The following GPHN variants were observed in gnomAD, a reference collection of about 807,000 sequenced individuals.
GPHN encodes the protein gephyrin.
GPHN carries 17 observed loss-of-function variants against 95.5 expected under a neutral mutation model. That is an observed-to-expected ratio of 0.18 (90% CI 0.12 to 0.27). GPHN has a LOEUF of 0.27. GPHN is among the 10% of genes least tolerant of loss of function. The pLI, the probability that GPHN is intolerant of heterozygous loss-of-function variation, is 1.00. For missense variants in GPHN, 660 were observed against 978.1 expected (o/e 0.67, Z 4.34); for synonymous variants, 320 against 322.5 (o/e 0.99, Z 0.08).
chr14:67,662,483 A>G, the GPHN span: 2 of 1,612,368 alleles, frequency 1.2e-6, no homozygotes, highest in East Asian at 2.2e-5. Context: ...TCACCGTTTC[A>G]TTTGCTTCCT....
chr14:67,090,628 G>A (rs751237355), intron 12 of GPHN, among the ~76,000 whole-genome samples: 11 of 151,912 alleles, frequency 7.2e-5, no homozygotes, highest in Non-Finnish European at 1.6e-4. Context: ...TATAAAGGAT[G>A]GTCAACCTGT....
chr14:67,426,955 T>A, the GPHN span, among the ~76,000 whole-genome samples: 1 of 152,090 alleles, frequency 6.6e-6, no homozygotes, highest in Non-Finnish European at 1.5e-5. Flanking sequence ...AGTCACCTAG[T>A]CCTCCCCAGG....
chr14:67,502,939 A>T, the GPHN span, among the ~76,000 whole-genome samples: 1 of 152,208 alleles, frequency 6.6e-6, no homozygotes, highest in South Asian at 2.1e-4. Context: ...TAGTGGAGAC[A>T]ATATGGTAAG....
At chr14:66,847,412 TAATA>T (rs922017757) in intron 4 of GPHN, among the ~76,000 whole-genome samples, 1 of 152,084 alleles carries the variant, frequency 6.6e-6, no homozygotes, top group Non-Finnish European at 1.5e-5. Context: ...ATTTTATTAA[TAATA>T]AATATACTTT....
the GPHN span, among the ~76,000 whole-genome samples, chr14:67,635,248 A>G: frequency 1.1e-3 from 163 of 152,320 alleles, 1 homozygote; most frequent in African/African-American, 3.7e-3. Context: ...TCTCAAAAAA[A>G]AGAGAAAAGG....
intron 3 of GPHN, among the ~76,000 whole-genome samples, chr14:66,779,411 ATATAT>A (rs1296658851): frequency 1.3e-5 from 2 of 152,204 alleles, no homozygotes; most frequent in Non-Finnish European, 2.9e-5. Flanking sequence ...ACTTCTTGAA[ATATAT>A]TTTATAATGA....
At chr14:66,897,458 T>A (rs1229039282) in intron 5 of GPHN, among the ~76,000 whole-genome samples, 1 of 152,074 alleles carries the variant, frequency 6.6e-6, no homozygotes, top group Non-Finnish European at 1.5e-5. Context: ...CTATTGTCAT[T>A]GCCCTTTTAT....
chr14:66,592,988 G>A (rs1030976784), intron 1 of GPHN, among the ~76,000 whole-genome samples: 8 of 152,200 alleles, frequency 5.3e-5, no homozygotes, highest in Non-Finnish European at 1.2e-4. Context: ...ATGAGTTCAT[G>A]TCCTTTGCAG....
At chr14:67,674,436 G>A in the GPHN span, 6 of 1,609,728 alleles carry the variant, frequency 3.7e-6, no homozygotes, top group Admixed American at 8.4e-5. Flanking sequence ...GGAGGCCGCG[G>A]AAGATCTCGT....
chr14:66,821,794 C>A (rs1357461683), intron 3 of GPHN, among the ~76,000 whole-genome samples: 1 of 152,030 alleles, frequency 6.6e-6, no homozygotes, highest in Admixed American at 6.6e-5. Flanking sequence ...CTACTTTGGC[C>A]AACAAAATAT....
the GPHN span, among the ~76,000 whole-genome samples, chr14:67,477,405 G>A: frequency 6.6e-6 from 1 of 152,144 alleles, no homozygotes; most frequent in African/African-American, 2.4e-5. Context: ...GTTACCTTCA[G>A]AACAAAATCT....
intron 21 of GPHN, among the ~76,000 whole-genome samples, chr14:67,176,063 T>C (rs1272007950): frequency 2.6e-5 from 4 of 152,186 alleles, no homozygotes; most frequent in Non-Finnish European, 5.9e-5. Flanking sequence ...TTGAATACCC[T>C]TTATTGCTTT....
At chr14:67,496,625 C>A in the GPHN span, among the ~76,000 whole-genome samples, 1 of 151,218 alleles carries the variant, frequency 6.6e-6, no homozygotes, top group Non-Finnish European at 1.5e-5. Flanking sequence ...TCTTCCTATT[C>A]TTTTCCCTTC....
intron 1 of GPHN, among the ~76,000 whole-genome samples, chr14:66,588,244 A>G (rs1361917002): frequency 3.3e-5 from 5 of 152,192 alleles, no homozygotes; most frequent in African/African-American, 9.6e-5. Context: ...GGTCACCAAC[A>G]TCAAAGAACA....
In GPHN at chr14:66,633,877, A is replaced by G. The variant is rs1184407790; in HGVS notation, c.65-47230A>G. Among the ~76,000 whole-genome samples, 4 of 151,952 alleles carry G rather than the reference A, an allele frequency of 2.6e-5. No homozygotes were observed. The East Asian group carries it at 7.7e-4, about 29-fold the overall frequency. On this transcript the variant is annotated intron_variant, in intron 1 of 22. Coordinates refer to ENST00000478722, the MANE Select transcript of GPHN (RefSeq NM_020806.5). ...ATGTATGACTTGAGACTGTCAAACT[A>G]CTAAAAGAAAACATTGCAGGATGCT...
At chr14:67,697,327 G>A in the GPHN span, among the ~76,000 whole-genome samples, 5 of 152,292 alleles carry the variant, frequency 3.3e-5, no homozygotes, top group East Asian at 5.8e-4. Context: ...ACATTTGAGC[G>A]GAGGCCAGAG....
At chr14:67,224,047 T>C in the GPHN span, 3 of 931,316 alleles carry the variant, frequency 3.2e-6, no homozygotes, top group Non-Finnish European at 3.8e-6. Context: ...TGATTCACAT[T>C]CACCCAGCAA....
chr14:67,359,674 T>C, the GPHN span: 4 of 1,613,878 alleles, frequency 2.5e-6, no homozygotes, highest in Non-Finnish European at 3.4e-6. Context: ...GAGGGAAAGA[T>C]TTCAATTCGG....
intron 8 of GPHN, among the ~76,000 whole-genome samples, chr14:66,933,669 T>C (rs1003409384): frequency 6.6e-6 from 1 of 152,212 alleles, no homozygotes; most frequent in Non-Finnish European, 1.5e-5. Flanking sequence ...ATAATAATTA[T>C]CCTGTATCTC....
Sources: gnomAD v4.1 joint callset for allele counts (sites outside exome capture counted in the v4.1 genomes callset) on GRCh38, gnomAD v4.1.1 for gene constraint, MANE v1.5 for transcripts, NCBI Gene and HGNC (gene_info 2026-07-23, HGNC 2026-07-21) for gene names.